The following AP3B1 variants were observed in gnomAD, a reference collection of about 807,000 sequenced individuals.
The protein encoded by AP3B1 is AP-3 complex subunit beta-1.
A neutral mutation model predicts 132.5 loss-of-function variants in AP3B1; 61 were observed. That is an observed-to-expected ratio of 0.46 (90% CI 0.37 to 0.57). The LOEUF (loss-of-function observed/expected upper bound fraction) is 0.57, where lower values mean the gene tolerates loss of function less well. Among genes scored for constraint, AP3B1 ranks in the 20% least tolerant of loss-of-function variants. AP3B1 has a pLI of 0.00. For missense variants in AP3B1, 1,120 were observed against 1,289.4 expected (o/e 0.87, Z 2.01); for synonymous variants, 388 against 438.3 (o/e 0.89, Z 1.43).
At chr5:78,292,169 C>T (rs1749552024) in intron 1 of AP3B1, among the ~76,000 whole-genome samples, 1 of 151,992 alleles carries the variant, frequency 6.6e-6, no homozygotes, top group African/African-American at 2.4e-5. Context: ...ATAGGGTAAG[C>T]TTTAAGTTTT....
intron 15 of AP3B1, among the ~76,000 whole-genome samples, chr5:78,138,375 G>A (rs1753001313): frequency 6.6e-6 from 1 of 152,250 alleles, no homozygotes; most frequent in East Asian, 1.9e-4. Flanking sequence ...GCTGAGGCAG[G>A]AGAATTGCTT....
intron 1 of AP3B1, among the ~76,000 whole-genome samples, chr5:78,270,505 G>T (rs10474537): frequency 0.24 from 36,054 of 151,888 alleles, 5,066 homozygotes; most frequent in Non-Finnish European, 0.31. Flanking sequence ...TTCAACGAAG[G>T]GAAGGCTGGA....
At chr5:78,014,049 G>A (rs1178866086) in intron 26 of AP3B1, among the ~76,000 whole-genome samples, 1 of 152,150 alleles carries the variant, frequency 6.6e-6, no homozygotes, top group African/African-American at 2.4e-5. Flanking sequence ...TGTAGTCCCA[G>A]CCACTCGGGA....
At chr5:78,125,091 A>C (rs1034971019) in intron 17 of AP3B1, among the ~76,000 whole-genome samples, 4 of 152,216 alleles carry the variant, frequency 2.6e-5, no homozygotes, top group African/African-American at 9.6e-5. Context: ...GCTAATTTGA[A>C]AGTTTCTGTA....
intron 13 of AP3B1, among the ~76,000 whole-genome samples, chr5:78,160,350 G>A (rs904700301): frequency 7.2e-5 from 11 of 151,972 alleles, no homozygotes; most frequent in Non-Finnish European, 1.0e-4. Context: ...AGTAAATTTC[G>A]CTAATATGTT....
chr5:78,124,123 T>C (rs1196717197), intron 17 of AP3B1, among the ~76,000 whole-genome samples: 1 of 152,092 alleles, frequency 6.6e-6, no homozygotes, highest in Admixed American at 6.5e-5. Flanking sequence ...CCACATGTTC[T>C]CACTCATAGG....
intron 17 of AP3B1, among the ~76,000 whole-genome samples, chr5:78,123,346 T>C (rs1752313185): frequency 6.6e-6 from 1 of 152,074 alleles, no homozygotes; most frequent in African/African-American, 2.4e-5. Flanking sequence ...AATTGACAAA[T>C]GGGACGTAAT....
At chr5:78,088,571 CCAGGCAG>C (rs1175611246) in intron 22 of AP3B1, among the ~76,000 whole-genome samples, 1 of 152,026 alleles carries the variant, frequency 6.6e-6, no homozygotes, top group African/African-American at 2.4e-5. Context: ...CTCTATGCTC[CCAGGCAG>C]CTCAGATGAT....
chr5:78,027,618 T>C (rs1747390148), intron 24 of AP3B1, among the ~76,000 whole-genome samples: 2 of 152,130 alleles, frequency 1.3e-5, no homozygotes, highest in African/African-American at 4.8e-5. Context: ...AATTTGAAGA[T>C]TAATTTGAGG....
At chr5:78,114,818 C>G (rs1428083297) in intron 18 of AP3B1, among the ~76,000 whole-genome samples, 1 of 152,168 alleles carries the variant, frequency 6.6e-6, no homozygotes, top group African/African-American at 2.4e-5. Flanking sequence ...TGTTTTAAGA[C>G]GGCTTACAAG....
chr5:78,125,099 G>A (rs753063112), intron 17 of AP3B1, among the ~76,000 whole-genome samples: 6 of 152,192 alleles, frequency 3.9e-5, no homozygotes, highest in Non-Finnish European at 5.9e-5. Context: ...GAAAGTTTCT[G>A]TAAAGGATAA....
intron 22 of AP3B1, among the ~76,000 whole-genome samples, chr5:78,070,867 T>C (rs12656798): frequency 0.027 from 4,099 of 152,200 alleles, 166 homozygotes; most frequent in East Asian, 0.14. Flanking sequence ...TGAGATACCA[T>C]CTCATGCCAG....
At chr5:78,156,589 T>C (rs1015168574) in intron 13 of AP3B1, among the ~76,000 whole-genome samples, 1 of 152,196 alleles carries the variant, frequency 6.6e-6, no homozygotes. Context: ...TGCTGTCTCC[T>C]AGCTTCTGTA....
In AP3B1 at chr5:78,002,879, T is replaced by G; in HGVS notation, c.*23A>C. 3.1e-6 allele frequency: 5 copies of G among 1,614,176 alleles called. No homozygotes were observed. Among genetic ancestry groups the G allele is most frequent in the Non-Finnish European group, 4.2e-6 (5 of 1,180,014 alleles). ...CAGGCACTTTTGTTGTGTGCCAGAT[T>G]CTAAAGTCCAGATGTAAGCAGGTTA... is the stretch of plus-strand genomic sequence containing the variant. On this transcript the variant is annotated 3_prime_UTR_variant, in exon 27 of 27. Transcript: ENST00000255194.
chr5:78,142,575 T>C (rs1170253534), intron 14 of AP3B1, among the ~76,000 whole-genome samples: 3 of 152,148 alleles, frequency 2.0e-5, no homozygotes, highest in Non-Finnish European at 4.4e-5. Context: ...TAAAATTTTA[T>C]CACAATATCT....
At chr5:78,023,017 A>C (rs1226232157) in intron 24 of AP3B1, among the ~76,000 whole-genome samples, 1 of 152,194 alleles carries the variant, frequency 6.6e-6, no homozygotes, top group African/African-American at 2.4e-5. Context: ...CCACTATAAT[A>C]TACAGCTTCC....
intron 2 of AP3B1, among the ~76,000 whole-genome samples, chr5:78,241,788 C>T (rs1747151154): frequency 6.6e-6 from 1 of 152,242 alleles, no homozygotes; most frequent in African/African-American, 2.4e-5. Context: ...TCATCCCAAA[C>T]TTGCTATGTC....
chr5:78,081,012 ATG>A (rs1245216730), intron 22 of AP3B1, among the ~76,000 whole-genome samples: 4 of 152,252 alleles, frequency 2.6e-5, no homozygotes, highest in Admixed American at 6.5e-5. Context: ...CAAAATACAA[ATG>A]GATGGCCCTA....
At chr5:78,224,805 A>G (rs1746336577) in intron 6 of AP3B1, among the ~76,000 whole-genome samples, 1 of 152,088 alleles carries the variant, frequency 6.6e-6, no homozygotes, top group Non-Finnish European at 1.5e-5. Context: ...AAAAATTATA[A>G]ACATACATGC....
Sources: allele counts gnomAD v4.1 joint callset (sites outside exome capture counted in the v4.1 genomes callset), GRCh38; gene constraint gnomAD v4.1.1; transcripts MANE v1.5; gene names NCBI Gene and HGNC (gene_info 2026-07-23, HGNC 2026-07-21).